Variants in NBAS observed in about 807,000 individuals in gnomAD.
The protein encoded by NBAS is NAG/BC035112 fusion.
A neutral mutation model predicts 302.5 loss-of-function variants in NBAS; 219 were observed. That is an observed-to-expected ratio of 0.72 (90% CI 0.65 to 0.81). NBAS has a LOEUF of 0.81. Among genes scored for constraint, NBAS ranks in the 30% least tolerant of loss-of-function variants. The pLI is 0.00. For missense variants in NBAS, 2,932 were observed against 2,841.6 expected, an observed-to-expected ratio of 1.03 and a Z score of -0.72; for synonymous variants, 1,118 against 1,021.6, an observed-to-expected ratio of 1.09 and a Z score of -1.80.
rs148682070 is a variant in NBAS at position 15,349,284 on chromosome 2, C to T, written c.4179+2708G>A. 1.6e-3 allele frequency among the ~76,000 whole-genome samples: 249 copies of T among 152,308 alleles called. 3 individuals are homozygous for T. Among genetic ancestry groups the T allele is most frequent in the South Asian group, 0.013 (63 of 4,824 alleles). Reference sequence around the variant, plus strand: ...TCTTCAATTGGACCTTGAAAGACAACTCCTCCTAATACATGGAACATTTAG... The same window carrying T: ...TCTTCAATTGGACCTTGAAAGACAATTCCTCCTAATACATGGAACATTTAG... On this transcript the variant is annotated intron_variant, in intron 35 of 51. Coordinates refer to ENST00000281513, the MANE Select transcript of NBAS (RefSeq NM_015909.4).
the NBAS span, among the ~76,000 whole-genome samples, chr2:15,009,397 G>T: frequency 4.7e-5 from 7 of 150,108 alleles, no homozygotes; most frequent in East Asian, 1.4e-3. Flanking sequence ...TTTAAAGGCT[G>T]ATAAAAAAAA....
chr2:14,801,446 A>AT, the NBAS span, among the ~76,000 whole-genome samples: 2 of 152,140 alleles, frequency 1.3e-5, no homozygotes, highest in Admixed American at 6.5e-5. Context: ...TATTAATCCC[A>AT]TTCAGTATAT....
In NBAS at chr2:15,210,842, T is replaced by A. The variant is rs141361623; in HGVS notation, c.6432+7931A>T. On this transcript the variant is annotated intron_variant, in intron 48 of 51. Coordinates refer to ENST00000281513, the MANE Select transcript of NBAS (RefSeq NM_015909.4). ...GCAACAACACAGATGGAACTGGAGG[T>A]CATAATGTTAAGTGAAATAAGCCAG... 2.2e-3 allele frequency among the ~76,000 whole-genome samples: 340 copies of A among 152,118 alleles called. 2 individuals are homozygous for A. Among genetic ancestry groups the A allele is most frequent in the African/African-American group, 8.0e-3 (330 of 41,504 alleles).
intron 9 of NBAS, among the ~76,000 whole-genome samples, chr2:15,516,277 T>C (rs1015922414): frequency 4.6e-5 from 7 of 151,996 alleles, no homozygotes; most frequent in African/African-American, 1.4e-4. Context: ...AACACAGAAT[T>C]CCCATAAGAA....
intron 6 of NBAS, among the ~76,000 whole-genome samples, chr2:15,544,856 C>A (rs1195427011): frequency 6.6e-6 from 1 of 152,028 alleles, no homozygotes; most frequent in South Asian, 2.1e-4. Flanking sequence ...CTAAAAAATA[C>A]AAAACTTAGC....
At chr2:14,990,106 T>C in the NBAS span, among the ~76,000 whole-genome samples, 1 of 151,944 alleles carries the variant, frequency 6.6e-6, no homozygotes, top group Non-Finnish European at 1.5e-5. Context: ...CCATTTCTCA[T>C]TGTAATCCTT....
intron 32 of NBAS, among the ~76,000 whole-genome samples, chr2:15,364,622 G>A (rs1048015391): frequency 3.3e-5 from 5 of 152,218 alleles, no homozygotes; most frequent in African/African-American, 1.2e-4. Flanking sequence ...GGAAGTCTGG[G>A]TACTCTGAGA....
chr2:15,424,432 T>C lies in NBAS; in HGVS notation c.2460A>G (p.Glu820=). Residue 820 remains glutamate (E), a synonymous_variant, in exon 23 of 52, where the codon GAA becomes GAG. Coordinates refer to ENST00000281513, the MANE Select transcript of NBAS (RefSeq NM_015909.4). ...VVEPNLQDES[E]FLYAAQPELL... ...ACTCAGGCTGTGCAGCATACAAGAA[T>C]TCACTTTCATCTTGGAGATTCGGCT... 6.2e-7 allele frequency: 1 copy of C among 1,614,114 alleles called. No individual in the cohort carries two copies. Among genetic ancestry groups the C allele is most frequent in the South Asian group, 1.1e-5 (1 of 91,088 alleles).
At chr2:15,046,919 G>A in the NBAS span, among the ~76,000 whole-genome samples, 1 of 152,174 alleles carries the variant, frequency 6.6e-6, no homozygotes, top group Admixed American at 6.5e-5. Flanking sequence ...AGGGCTCCAG[G>A]AAGACCTATA....
the NBAS span, among the ~76,000 whole-genome samples, chr2:14,846,091 A>G: frequency 4.6e-5 from 7 of 152,174 alleles, no homozygotes; most frequent in Non-Finnish European, 8.8e-5. Flanking sequence ...AAAGAAGCCT[A>G]CCTCAAGGCA....
chr2:15,485,191 C>G (rs1680572446), intron 12 of NBAS, among the ~76,000 whole-genome samples: 1 of 151,882 alleles, frequency 6.6e-6, no homozygotes, highest in Admixed American at 6.6e-5. Flanking sequence ...TTAAGCATAT[C>G]TGAGAGAGCT....
At chr2:15,223,986 A>C (rs1339662272) in intron 47 of NBAS, among the ~76,000 whole-genome samples, 2 of 152,220 alleles carry the variant, frequency 1.3e-5, no homozygotes, top group Non-Finnish European at 2.9e-5. Context: ...TATTTTTAAA[A>C]ATTTGCTGAT....
At chr2:15,444,544 A>G (rs925595353) in intron 21 of NBAS, among the ~76,000 whole-genome samples, 2 of 152,126 alleles carry the variant, frequency 1.3e-5, no homozygotes, top group Non-Finnish European at 2.9e-5. Flanking sequence ...CTAAAACCAT[A>G]AAACCCCTAG....
At chr2:15,224,036 AG>A (rs1279370796) in intron 47 of NBAS, among the ~76,000 whole-genome samples, 3 of 152,174 alleles carry the variant, frequency 2.0e-5, no homozygotes, top group African/African-American at 4.8e-5. Context: ...TCCGAAAGAT[AG>A]GAAGTCATGT....
In NBAS at chr2:15,275,517, A is replaced by G. The variant is rs756945702; in HGVS notation, c.5691T>C (p.Asp1897=). The G allele has an allele frequency of 1.2e-6, 2 of 1,613,994 alleles. No homozygotes were observed. The highest frequency in any genetic ancestry group is 2.2e-5 in the East Asian group (1 of 44,886). ...CAGCTTTTGGAGAAAATGTAACTGC[A>G]TCTACCACAGTGATGAGGTCACCTG... ...LHPGDLITVV[D]AVTFSPKAVT... is the part of the protein sequence containing the mutation. The change falls in exon 44 of 52, where the codon GAT becomes GAC. Residue 1897 remains aspartate (D), a synonymous_variant. Coordinates refer to ENST00000281513, the MANE Select transcript of NBAS (RefSeq NM_015909.4).
Position 15,415,590 on chromosome 2 carries a change from C to T in NBAS, c.2893G>A (p.Asp965Asn), listed in dbSNP as rs201635424. 1.6e-4 allele frequency: 251 copies of T among 1,614,046 alleles called. 6 individuals carry two copies. The South Asian group carries it at 2.2e-3, about 14-fold the overall frequency. The part of the protein sequence containing the change: ...KEYLVTLAKG[D>N]LKFPLKIFQH... ...AATATCTTCAGGGGAAATTTTAAGT[C>T]CCCTTTAGCTAAAGTTACTAAATAT... The change falls in exon 25 of 52, where the codon GAC (aspartate) becomes AAC (asparagine). Residue 965 changes from aspartate to asparagine, a missense_variant. Transcript: ENST00000281513.
intron 44 of NBAS, among the ~76,000 whole-genome samples, chr2:15,248,339 C>T (rs1446902093): frequency 6.6e-6 from 1 of 152,100 alleles, no homozygotes; most frequent in Non-Finnish European, 1.5e-5. Flanking sequence ...TAAATGACCA[C>T]AGAAGAAAGC....
Position 15,328,196 on chromosome 2 carries a change from T to C in NBAS, c.4461+3A>G. 3 of 1,611,094 alleles carry C rather than the reference T, an allele frequency of 1.9e-6. No homozygotes were observed. Among genetic ancestry groups the C allele is most frequent in the Non-Finnish European group, 1.7e-6 (2 of 1,177,450 alleles). ...TCTATCTTCCTAGACACGCTGTCCT[T>C]ACCTCAGCGACAAAAGGATTTGAGA... On this transcript the variant is annotated splice_donor_region_variant and intron_variant, in intron 37 of 51. Coordinates refer to ENST00000281513, the MANE Select transcript of NBAS (RefSeq NM_015909.4).
chr2:15,065,339 A>G, the NBAS span, among the ~76,000 whole-genome samples: 1 of 152,134 alleles, frequency 6.6e-6, no homozygotes, highest in South Asian at 2.1e-4. Flanking sequence ...AAGACCAGAA[A>G]CAAAACAAGG....
Sources: gnomAD v4.1 joint callset for allele counts (sites outside exome capture counted in the v4.1 genomes callset) on GRCh38, gnomAD v4.1.1 for gene constraint, MANE v1.5 for transcripts, NCBI Gene and HGNC (gene_info 2026-07-23, HGNC 2026-07-21) for gene names.